Variants in SCG3 observed in about 807,000 individuals in gnomAD.
SCG3 encodes secretogranin-3.
A neutral mutation model predicts 56.2 loss-of-function variants in SCG3; 38 were observed. The ratio of observed to expected loss-of-function variants is 0.68; its 90% CI spans 0.52 to 0.89. SCG3 has a LOEUF of 0.89. Ranked by LOEUF, SCG3 falls within the 40% of genes least tolerant of loss-of-function variation. SCG3 has a pLI of 0.00. For missense variants in SCG3, 524 were observed against 540.7 expected (o/e 0.97, Z 0.31); for synonymous variants, 176 against 184.2 (o/e 0.96, Z 0.36).
chr15:51,685,114 A>C (rs2055220078), intron 4 of SCG3, among the ~76,000 whole-genome samples: 2 of 152,228 alleles, frequency 1.3e-5, no homozygotes, highest in African/African-American at 4.8e-5. Flanking sequence ...CTGAAGTGTC[A>C]CGTGTACCTA....
intron 1 of SCG3, among the ~76,000 whole-genome samples, chr15:51,682,083 C>G (rs1478481536): frequency 1.3e-5 from 2 of 151,926 alleles, no homozygotes; most frequent in Non-Finnish European, 2.9e-5. Flanking sequence ...GGAAGGGAAC[C>G]TTTTTCACCT....
intron 10 of SCG3, among the ~76,000 whole-genome samples, chr15:51,702,252 GATTTT>G (rs955009582): frequency 1.8e-4 from 28 of 151,902 alleles, no homozygotes; most frequent in East Asian, 1.2e-3. Flanking sequence ...ATCTTTTTAG[GATTTT>G]ATTTTATTTT....
chr15:51,701,508 G>A lies in SCG3; in HGVS notation c.1207+264G>A, dbSNP rs2055339411. 2.6e-5 allele frequency among the ~76,000 whole-genome samples: 4 copies of A among 152,274 alleles called. No individual in the cohort carries two copies. The South Asian group carries it at 8.3e-4, about 32-fold the overall frequency. ...TTTGTGTTTGGAGAGGAATATGTATGACCATTAGTGCATTGTTTAACATAT... is the reference window on the plus strand; with the variant it reads ...TTTGTGTTTGGAGAGGAATATGTATAACCATTAGTGCATTGTTTAACATAT... On this transcript the variant is annotated intron_variant, in intron 10 of 11. Coordinates refer to ENST00000220478, the MANE Select transcript of SCG3 (RefSeq NM_013243.4).
intron 10 of SCG3, among the ~76,000 whole-genome samples, chr15:51,704,240 C>CATATATATATATATAT (rs1314214604): frequency 5.8e-4 from 34 of 58,784 alleles, no homozygotes; most frequent in Non-Finnish European, 9.0e-4. Flanking sequence ...TACATACATA[C>CATATATATATATATAT]ATACATATAT....
At chr15:51,695,755 C>G in intron 7 of SCG3, 120 bp from the exon 8 acceptor site, 1 of 626,236 alleles carries the variant, frequency 1.6e-6, no homozygotes, top group Admixed American at 2.8e-5. Context: ...AGTGAGACCT[C>G]GTCTTTGAAA....
rs2055325699 is a variant in SCG3 at position 51,699,416 on chromosome 15, A to G, written c.1069+14A>G. The G allele has an allele frequency of 1.3e-6, 2 of 1,534,438 alleles. No individual in the cohort carries two copies. The highest frequency in any genetic ancestry group is 1.7e-4 in the Middle Eastern group (1 of 5,878). ...AGCTTTTCCCAGGTATGATTATTTAACTATTTTTTTAGCCTTTAGAATAAT... is the reference window on the plus strand; with the variant it reads ...AGCTTTTCCCAGGTATGATTATTTAGCTATTTTTTTAGCCTTTAGAATAAT... On this transcript the variant is annotated intron_variant, in intron 9 of 11. Coordinates refer to ENST00000220478, the MANE Select transcript of SCG3 (RefSeq NM_013243.4).
chr15:51,716,851 T>C (rs1431351295), intron 11 of SCG3, among the ~76,000 whole-genome samples: 1 of 152,256 alleles, frequency 6.6e-6, no homozygotes, highest in East Asian at 1.9e-4. Flanking sequence ...TTTGCACCAG[T>C]TGCATGTCCA....
At chr15:51,716,830 G>A (rs1347349517) in intron 11 of SCG3, among the ~76,000 whole-genome samples, 1 of 152,232 alleles carries the variant, frequency 6.6e-6, no homozygotes, top group African/African-American at 2.4e-5. Context: ...TCCCAAAAGA[G>A]TGCCCCTTCC....
Position 51,689,373 on chromosome 15 carries a change from G to A in SCG3, c.690+5G>A, listed in dbSNP as rs557583431. 4.3e-5 allele frequency: 69 copies of A among 1,609,728 alleles called. No individual in the cohort carries two copies. Among genetic ancestry groups the A allele is most frequent in the Non-Finnish European group, 5.8e-5 (68 of 1,178,216 alleles). The stretch of plus-strand genomic sequence containing the variant: ...GGAAAAATACCAGAGAAAGTGGTAT[G>A]TATGTGTATATATGCATATGCATGG... On this transcript the variant is annotated splice_donor_5th_base_variant and intron_variant, in intron 6 of 11. Coordinates refer to ENST00000220478, the MANE Select transcript of SCG3 (RefSeq NM_013243.4).
At chr15:51,689,485 A>G (rs2055253205) in intron 6 of SCG3, 117 bp downstream of exon 6, 13 of 1,315,090 alleles carry the variant, frequency 9.9e-6, no homozygotes, top group Non-Finnish European at 1.1e-5. Flanking sequence ...GATTTGAGGT[A>G]TGTGGCATTT....
In SCG3 at chr15:51,696,033, T is replaced by C. The variant is rs749893100; in HGVS notation, c.985+42T>C. On this transcript the variant is annotated intron_variant, in intron 8 of 11. Coordinates refer to ENST00000220478, the MANE Select transcript of SCG3 (RefSeq NM_013243.4). ...TTTGTTTCTACTGTGGTGGTTTTCA[T>C]TGTTCAAAGTAAATTAGGGACTTGG... 20 of 1,136,922 alleles carry C rather than the reference T, an allele frequency of 1.8e-5. No homozygotes were observed. In the South Asian group the frequency reaches 1.9e-4, roughly 11 times the overall value. The allele number at this position is 1,136,922 out of a possible 1,614,324, so 70.4% of individuals were successfully genotyped here.
In SCG3 at chr15:51,709,781, C is replaced by T. The variant is rs189841395; in HGVS notation, c.1208-3552C>T. Among the ~76,000 whole-genome samples, 1,189 of 118,238 alleles carry T rather than the reference C, an allele frequency of 0.01. 51 individuals are homozygous for T. The East Asian group carries it at 0.13, about 13-fold the overall frequency. The allele number at this position is 118,238 out of a possible 152,430, so 77.6% of individuals were successfully genotyped here. On this transcript the variant is annotated intron_variant, in intron 10 of 11. Coordinates refer to ENST00000220478, the MANE Select transcript of SCG3 (RefSeq NM_013243.4). ...TGTCGCCCAGGCTGGAGTGCAGTGG[C>T]GTGATCTCTGCTCACTGCAAGCTCC...
At chr15:51,683,015 C>T (rs1378549334) in intron 2 of SCG3, 64 bp from the exon 3 acceptor site, 11 of 1,312,784 alleles carry the variant, frequency 8.4e-6, no homozygotes, top group Admixed American at 2.2e-5. Flanking sequence ...TCATTTGGCT[C>T]TTGTACTTGG....
At chr15:51,687,828 T>G (rs940261043) in intron 4 of SCG3, among the ~76,000 whole-genome samples, 16 of 152,350 alleles carry the variant, frequency 1.1e-4, no homozygotes, top group African/African-American at 3.8e-4. Flanking sequence ...GCAAAGGTAG[T>G]ACATGTGGGG....
intron 4 of SCG3, 147 bp from the exon 5 acceptor site, chr15:51,688,113 C>A: frequency 5.5e-6 from 4 of 720,814 alleles, no homozygotes; most frequent in Non-Finnish European, 8.1e-6. Flanking sequence ...TATTTCAAAC[C>A]GAGGGTTTCT....
Position 51,695,776 on chromosome 15 carries a change from ACC to A in SCG3, c.869-97_869-96del, listed in dbSNP as rs1354036524. 20 of 732,140 alleles carry A rather than the reference ACC, an allele frequency of 2.7e-5. No homozygotes were observed. The Admixed American group carries it at 3.2e-4, about 12-fold the overall frequency. The allele number at this position is 732,140 out of a possible 1,614,324, so 45.4% of individuals were successfully genotyped here. A position where few individuals can be genotyped will look rare whatever the true frequency, so the allele number is the denominator to read the frequency against. On this transcript the variant is annotated intron_variant, in intron 7 of 11. Transcript: ENST00000220478. Reference sequence around the variant, plus strand: ...ACCTCGTCTTTGAAAAAAAAAAAAAACCCAAACAAACAAACAAAAAGATGCTG... The same window carrying A: ...ACCTCGTCTTTGAAAAAAAAAAAAAACAAACAAACAAACAAAAAGATGCTG...
chr15:51,717,979 G>A (rs916130509), intron 11 of SCG3, among the ~76,000 whole-genome samples: 1 of 152,206 alleles, frequency 6.6e-6, no homozygotes, highest in Non-Finnish European at 1.5e-5. Context: ...GATCAAGGGT[G>A]TTATGACCCA....
intron 10 of SCG3, among the ~76,000 whole-genome samples, chr15:51,712,518 C>T (rs928762095): frequency 4.6e-5 from 7 of 152,264 alleles, no homozygotes; most frequent in South Asian, 2.1e-4. Flanking sequence ...ATGCAGGTAG[C>T]GGAAGCTAAG....
At chr15:51,687,519 C>T (rs1166238879) in intron 4 of SCG3, among the ~76,000 whole-genome samples, 6 of 152,044 alleles carry the variant, frequency 3.9e-5, no homozygotes, top group South Asian at 2.1e-4. Context: ...AAATGTATTC[C>T]TAGGAGAGCC....
Sources: gnomAD v4.1 joint callset for allele counts (sites outside exome capture counted in the v4.1 genomes callset) on GRCh38, gnomAD v4.1.1 for gene constraint, MANE v1.5 for transcripts, NCBI Gene and HGNC (gene_info 2026-07-23, HGNC 2026-07-21) for gene names.